WDFY3: variants seen among roughly 807,000 people sequenced by gnomAD.
The protein encoded by WDFY3 is WD repeat and FYVE domain-containing protein 3.
Under a neutral mutation model 409.6 loss-of-function variants are expected in WDFY3, and 66 were observed. That is an observed-to-expected ratio of 0.16 (90% confidence interval 0.13 to 0.20). WDFY3 has a LOEUF of 0.20. Ranked by LOEUF, WDFY3 falls within the 10% of genes least tolerant of loss-of-function variation. WDFY3 has a pLI of 1.00. For synonymous variants in WDFY3, 1,521 were observed against 1,537.1 expected, an observed-to-expected ratio of 0.99 and a Z score of 0.25; for missense variants, 3,031 against 4,298.1, an observed-to-expected ratio of 0.71 and a Z score of 8.24.
At chr4:84,828,952 A>T (rs1481346951) in intron 9 of WDFY3, 52 bp downstream of exon 9, 1 of 1,467,392 alleles carries the variant, frequency 6.8e-7, no homozygotes, top group Non-Finnish European at 9.1e-7. Context: ...TTTCTTTGAT[A>T]AAAAAGACTG....
intron 67 of WDFY3, among the ~76,000 whole-genome samples, chr4:84,673,642 A>G (rs1725789513): frequency 6.6e-6 from 1 of 152,208 alleles, no homozygotes; most frequent in African/African-American, 2.4e-5. Context: ...TGTTTGAAGG[A>G]GACTATTCTT....
intron 5 of WDFY3, among the ~76,000 whole-genome samples, chr4:84,841,675 A>C (rs934576741): frequency 6.6e-6 from 1 of 152,246 alleles, no homozygotes; most frequent in Non-Finnish European, 1.5e-5. Context: ...AAGAACTGTG[A>C]TAACACTTTC....
At chr4:84,746,748 C>T (rs1252262138) in intron 36 of WDFY3, among the ~76,000 whole-genome samples, 1 of 152,106 alleles carries the variant, frequency 6.6e-6, no homozygotes, top group East Asian at 1.9e-4. Flanking sequence ...CACTGGACTA[C>T]TGTTTTGTGC....
At chr4:84,738,959 C>T (rs1392891284) in intron 40 of WDFY3, 51 bp downstream of exon 40, 1 of 1,592,318 alleles carries the variant, frequency 6.3e-7, no homozygotes, top group Non-Finnish European at 8.6e-7. Context: ...GTCTTAAAAA[C>T]TGGAGATAAA....
intron 61 of WDFY3, among the ~76,000 whole-genome samples, chr4:84,689,726 T>A (rs937757601): frequency 2.0e-5 from 3 of 152,206 alleles, no homozygotes; most frequent in African/African-American, 7.2e-5. Flanking sequence ...AACCTGTGTC[T>A]TTTTCAGGGG....
At chr4:84,853,769 G>T (rs1759368045) in intron 4 of WDFY3, among the ~76,000 whole-genome samples, 1 of 152,084 alleles carries the variant, frequency 6.6e-6, no homozygotes, top group South Asian at 2.1e-4. Context: ...AATAAAACTG[G>T]CTTGAATTTA....
intron 35 of WDFY3, among the ~76,000 whole-genome samples, chr4:84,751,920 TCTGA>T (rs1387220438): frequency 6.6e-6 from 1 of 152,186 alleles, no homozygotes; most frequent in East Asian, 1.9e-4. Context: ...ATATGGTGTT[TCTGA>T]CTGACCACTA....
chr4:84,948,938 C>T (rs142140260), intron 1 of WDFY3, among the ~76,000 whole-genome samples: 89 of 152,174 alleles, frequency 5.8e-4, no homozygotes, highest in East Asian at 5.4e-3. Context: ...ACACACCCTC[C>T]TATTTCAGAT....
chr4:84,833,186 T>C (rs1466225498), intron 7 of WDFY3, among the ~76,000 whole-genome samples: 1 of 152,146 alleles, frequency 6.6e-6, no homozygotes, highest in Non-Finnish European at 1.5e-5. Context: ...AATTCAGCAA[T>C]GGTTTCTGCC....
At chr4:84,963,690 T>C (rs1015029637) in intron 1 of WDFY3, among the ~76,000 whole-genome samples, 2 of 152,162 alleles carry the variant, frequency 1.3e-5, no homozygotes, top group African/African-American at 4.8e-5. Flanking sequence ...AAAACATCAA[T>C]TACTTATTTT....
At chr4:84,768,571 C>T (rs754578905) in intron 30 of WDFY3, among the ~76,000 whole-genome samples, 16 of 152,128 alleles carry the variant, frequency 1.1e-4, no homozygotes, top group East Asian at 3.9e-4. Context: ...GCTTACAGTA[C>T]GGTTTACTGA....
At chr4:84,768,873 T>C (rs993121841) in intron 30 of WDFY3, among the ~76,000 whole-genome samples, 6 of 152,174 alleles carry the variant, frequency 3.9e-5, no homozygotes, top group African/African-American at 1.4e-4. Flanking sequence ...ATAAAGTAAA[T>C]ATTTTGGATA....
rs747762317 is a variant in WDFY3 at position 84,670,576 on chromosome 4, G to A, written c.*2292C>T. The A allele has an allele frequency of 2.0e-5, 3 of 152,574 alleles. No individual in the cohort carries two copies. The highest frequency in any genetic ancestry group is 2.1e-4 in the South Asian group (1 of 4,822). The allele number at this position is 152,574 out of a possible 1,614,324, so 9.5% of individuals were successfully genotyped here. ...GAAAGTTAGTAATGGAAGTTGTGTCGGAAAGTTTAAAAGTGTTCATCCCAT... is the reference window on the plus strand; with the variant it reads ...GAAAGTTAGTAATGGAAGTTGTGTCAGAAAGTTTAAAAGTGTTCATCCCAT... On this transcript the variant is annotated 3_prime_UTR_variant, in exon 68 of 68. Coordinates refer to ENST00000295888, the MANE Select transcript of WDFY3 (RefSeq NM_014991.6).
chr4:84,676,369 G>C (rs1221979870), intron 67 of WDFY3, among the ~76,000 whole-genome samples: 1 of 152,180 alleles, frequency 6.6e-6, no homozygotes, highest in Non-Finnish European at 1.5e-5. Flanking sequence ...GCAGTACCAA[G>C]CATGACTAAG....
intron 3 of WDFY3, among the ~76,000 whole-genome samples, chr4:84,894,281 T>C (rs1031722479): frequency 1.4e-4 from 22 of 152,336 alleles, no homozygotes; most frequent in Middle Eastern, 3.4e-3. Context: ...TTTTCTACTT[T>C]AAATAACGGT....
At chr4:84,964,253 A>T (rs1174165542) in intron 1 of WDFY3, among the ~76,000 whole-genome samples, 2 of 152,176 alleles carry the variant, frequency 1.3e-5, no homozygotes, top group Non-Finnish European at 2.9e-5. Context: ...GGATCACTTG[A>T]GGCCAGGAGT....
intron 38 of WDFY3, among the ~76,000 whole-genome samples, chr4:84,741,169 T>C (rs747418011): frequency 6.6e-6 from 1 of 152,200 alleles, no homozygotes; most frequent in Admixed American, 6.5e-5. Context: ...TAGTATACAG[T>C]ACAAACCTAC....
Position 84,737,177 on chromosome 4 carries a change from G to A in WDFY3, c.6757+7C>T, listed in dbSNP as rs756302896. ...TCTCCTGGTGGTATGATCTCTGTAG[G>A]CCTTACCCAAATGATTCTGCCAGCA... On this transcript the variant is annotated splice_region_variant and intron_variant, in intron 41 of 67. Coordinates refer to ENST00000295888, the MANE Select transcript of WDFY3 (RefSeq NM_014991.6). 8 of 1,613,980 alleles carry A rather than the reference G, an allele frequency of 5.0e-6. 1 individual carries two copies. In the South Asian group the frequency reaches 8.8e-5, roughly 18 times the overall value.
chr4:84,730,209 G>C lies in WDFY3; in HGVS notation c.7221+3173C>G, dbSNP rs557288364. Among the ~76,000 whole-genome samples the C allele has an allele frequency of 3.6e-4, 54 of 152,098 alleles. 1 individual carries two copies. The South Asian group carries it at 0.011, about 31-fold the overall frequency. ...TCTTAGAGAGCCCTCTCCTTAAACT[G>C]CATAAACTACAGGGCCCATAAAATT... On this transcript the variant is annotated intron_variant, in intron 44 of 67. Transcript: ENST00000295888.
Sources: gnomAD v4.1 joint callset for allele counts (sites outside exome capture counted in the v4.1 genomes callset) on GRCh38, gnomAD v4.1.1 for gene constraint, MANE v1.5 for transcripts, NCBI Gene and HGNC (gene_info 2026-07-23, HGNC 2026-07-21) for gene names.